ANKRD45: variants seen among roughly 807,000 people sequenced by gnomAD.
ANKRD45 encodes the protein ankyrin repeat domain 45.
A neutral mutation model predicts 28.1 loss-of-function variants in ANKRD45; 21 were observed. The ratio of observed to expected loss-of-function variants is 0.75; its 90% CI spans 0.53 to 1.08. ANKRD45 has a LOEUF of 1.08. Among genes scored for constraint, ANKRD45 ranks in the 50% least tolerant of loss-of-function variants. The pLI, the probability that ANKRD45 is intolerant of heterozygous loss-of-function variation, is 0.00. For missense variants in ANKRD45, 261 were observed against 308.7 expected (o/e 0.85, Z 1.16); for synonymous variants, 86 against 103.9 (o/e 0.83, Z 1.05).
intron 2 of ANKRD45, among the ~76,000 whole-genome samples, chr1:173,653,516 A>T (rs1669341314): frequency 6.6e-6 from 1 of 152,168 alleles, no homozygotes; most frequent in Non-Finnish European, 1.5e-5. Context: ...CTTTACTTCC[A>T]ACTATGTGGT....
chr1:173,677,601 T>C, the ANKRD45 span, among the ~76,000 whole-genome samples: 14 of 152,264 alleles, frequency 9.2e-5, no homozygotes, highest in Non-Finnish European at 1.6e-4. Context: ...GCAGTTTATT[T>C]TGATTGGCAT....
At chr1:173,633,773 A>G (rs1668295387) in intron 3 of ANKRD45, among the ~76,000 whole-genome samples, 1 of 152,076 alleles carries the variant, frequency 6.6e-6, no homozygotes, top group Non-Finnish European at 1.5e-5. Flanking sequence ...TGCTGGGAAA[A>G]CTGGATATCC....
the ANKRD45 span, among the ~76,000 whole-genome samples, chr1:173,680,629 C>T: frequency 6.6e-6 from 1 of 150,808 alleles, no homozygotes; most frequent in Non-Finnish European, 1.5e-5. Context: ...TACCCCAGAA[C>T]TTGAAATATA....
intron 5 of ANKRD45, among the ~76,000 whole-genome samples, chr1:173,613,181 C>G: frequency 6.6e-6 from 1 of 150,638 alleles, no homozygotes; most frequent in Admixed American, 6.6e-5. Context: ...GTCTGAGATG[C>G]GGGGAGCACC....
At chr1:173,653,693 T>G (rs530139814) in intron 2 of ANKRD45, among the ~76,000 whole-genome samples, 1 of 152,236 alleles carries the variant, frequency 6.6e-6, no homozygotes, top group Non-Finnish European at 1.5e-5. Flanking sequence ...ATGTTGACAG[T>G]GGGGTGTTAA....
chr1:173,688,310 GTC>G, the ANKRD45 span, among the ~76,000 whole-genome samples: 4 of 151,078 alleles, frequency 2.6e-5, no homozygotes, highest in African/African-American at 4.9e-5. Context: ...CTGACTTTCT[GTC>G]TCTCTTTCTC....
At chr1:173,707,250 C>G in the ANKRD45 span, among the ~76,000 whole-genome samples, 4 of 150,630 alleles carry the variant, frequency 2.7e-5, no homozygotes, top group Non-Finnish European at 5.9e-5. Flanking sequence ...CTACATTTAT[C>G]TTTGTCCCAT....
At chr1:173,708,834 G>A in the ANKRD45 span, among the ~76,000 whole-genome samples, 2 of 152,168 alleles carry the variant, frequency 1.3e-5, no homozygotes, top group Admixed American at 1.3e-4. Flanking sequence ...CTGAGAACAA[G>A]AATGACCAAG....
At position 173,624,859 on chromosome 1, in the gene ANKRD45, T is replaced by C. The variant is rs1233022720; in HGVS notation, c.658A>G (p.Asn220Asp). 3 of 1,613,632 alleles carry C rather than the reference T, an allele frequency of 1.9e-6. No individual in the cohort carries two copies. The highest frequency in any genetic ancestry group is 2.2e-5 in the East Asian group (1 of 44,874). ...TGTTGTCTCTGCTCAAAAAGCTCAT[T>C]AATGGAAGCTTCTGTATGGGTTTCC... ...WLETHTEASI[N>D]ELFEQRQQLE... is the part of the protein sequence containing the mutation. The change falls in exon 5 of 6, where the codon AAT (asparagine) becomes GAT (aspartate). Residue 220 changes from asparagine to aspartate, a missense_variant. By Grantham distance (23) the Asn-to-Asp change is conservative. Coordinates refer to ENST00000333279, the MANE Select transcript of ANKRD45 (RefSeq NM_198493.3).
chr1:173,663,596 T>C (rs142420070), intron 1 of ANKRD45, among the ~76,000 whole-genome samples: 71 of 152,368 alleles, frequency 4.7e-4, no homozygotes, highest in African/African-American at 1.5e-3. Flanking sequence ...TCTTGTAATA[T>C]TGGTGTGGCC....
At position 173,627,152 on chromosome 1, in the gene ANKRD45, C is replaced by T. The variant is rs551995436; in HGVS notation, c.504G>A (p.Arg168=). The T allele has an allele frequency of 1.9e-5, 30 of 1,608,048 alleles. No homozygotes were observed. The East Asian group carries it at 6.2e-4, about 33-fold the overall frequency. ...TTGCAATATATTTTTTCAGAGTCAG[C>T]CTTGCATCTGAAAGAATGGACAGAA... The part of the protein sequence containing the change: ...CVEFLDWADA[R]LTLKKYIAKV... The change falls in exon 4 of 6, where the codon AGG becomes AGA. Residue 168 remains arginine (R), a synonymous_variant. Coordinates refer to ENST00000333279, the MANE Select transcript of ANKRD45 (RefSeq NM_198493.3).
the ANKRD45 span, among the ~76,000 whole-genome samples, chr1:173,695,643 G>A: frequency 1.3e-5 from 2 of 152,166 alleles, no homozygotes; most frequent in African/African-American, 4.8e-5. Flanking sequence ...CTGCTATTGT[G>A]ACTAGTGCTG....
At chr1:173,627,418 A>G (rs1324035281) in intron 3 of ANKRD45, among the ~76,000 whole-genome samples, 1 of 152,164 alleles carries the variant, frequency 6.6e-6, no homozygotes, top group African/African-American at 2.4e-5. Context: ...CACTTCCCCC[A>G]TACCCCTGGT....
chr1:173,628,162 T>C (rs183709291), intron 3 of ANKRD45, among the ~76,000 whole-genome samples: 1 of 151,550 alleles, frequency 6.6e-6, no homozygotes, highest in Non-Finnish European at 1.5e-5. Flanking sequence ...TGGGTGAGAC[T>C]CAGAGCCATG....
At chr1:173,712,633 A>G in the ANKRD45 span, among the ~76,000 whole-genome samples, 1 of 152,236 alleles carries the variant, frequency 6.6e-6, no homozygotes, top group Non-Finnish European at 1.5e-5. Context: ...CACACCCCAA[A>G]GAAACACCTA....
the ANKRD45 span, chr1:173,675,274 G>GA: frequency 2.4e-4 from 64 of 264,132 alleles, no homozygotes; most frequent in Non-Finnish European, 2.9e-4. Flanking sequence ...AAAAAAGAAG[G>GA]AAAAAAAATT....
intron 2 of ANKRD45, among the ~76,000 whole-genome samples, chr1:173,647,567 T>G (rs1382643371): frequency 6.6e-6 from 1 of 152,216 alleles, no homozygotes; most frequent in African/African-American, 2.4e-5. Context: ...GAGGTATAAT[T>G]GTAAACAAGA....
intron 5 of ANKRD45, among the ~76,000 whole-genome samples, chr1:173,612,319 A>AGAAGGAAG (rs200258529): frequency 0.11 from 14,060 of 130,170 alleles, 982 homozygotes; most frequent in African/African-American, 0.16. Flanking sequence ...AAGGAAGGAA[A>AGAAGGAAG]GAAGGAAGGA....
At chr1:173,628,960 G>A (rs766369224) in intron 3 of ANKRD45, among the ~76,000 whole-genome samples, 5 of 152,178 alleles carry the variant, frequency 3.3e-5, no homozygotes, top group Non-Finnish European at 7.3e-5. Context: ...TTATTGAGGG[G>A]AAAGTAAGAA....
Sources: gnomAD v4.1 joint callset for allele counts (sites outside exome capture counted in the v4.1 genomes callset) on GRCh38, gnomAD v4.1.1 for gene constraint, MANE v1.5 for transcripts, NCBI Gene and HGNC (gene_info 2026-07-23, HGNC 2026-07-21) for gene names.